Variants in ZNF521 observed in about 807,000 individuals in gnomAD.
The protein encoded by ZNF521 is zinc finger protein 521.
ZNF521 carries 14 observed loss-of-function variants against 105.5 expected under a neutral mutation model. The ratio of observed to expected loss-of-function variants is 0.13; its 90% CI spans 0.09 to 0.21. The LOEUF is 0.21. ZNF521 is among the 10% of genes least tolerant of loss of function. ZNF521 has a pLI of 1.00. For synonymous variants in ZNF521, 635 were observed against 606.0 expected, an observed-to-expected ratio of 1.05 and a Z score of -0.70; for missense variants, 1,233 against 1,629.7, an observed-to-expected ratio of 0.76 and a Z score of 4.19.
chr18:25,117,024 TATATAC>T (rs372551443), intron 5 of ZNF521, among the ~76,000 whole-genome samples: 83 of 122,486 alleles, frequency 6.8e-4, no homozygotes, highest in South Asian at 4.5e-3. Flanking sequence ...CACACATATA[TATATAC>T]ATACACACAC....
At chr18:25,076,186 C>T (rs2033356681) in intron 7 of ZNF521, among the ~76,000 whole-genome samples, 1 of 152,158 alleles carries the variant, frequency 6.6e-6, no homozygotes, top group Admixed American at 6.5e-5. Flanking sequence ...CGTTCAAAAA[C>T]CTCGAAAATG....
chr18:25,179,525 T>C (rs915165522), intron 5 of ZNF521, among the ~76,000 whole-genome samples: 1 of 152,120 alleles, frequency 6.6e-6, no homozygotes, highest in Admixed American at 6.5e-5. Context: ...AGGAAAACCA[T>C]GCTTCTTATA....
At chr18:25,301,360 T>C (rs1204364538) in intron 3 of ZNF521, among the ~76,000 whole-genome samples, 1 of 152,228 alleles carries the variant, frequency 6.6e-6, no homozygotes, top group East Asian at 1.9e-4. Flanking sequence ...TTGCAGAGAC[T>C]TGATCACAGT....
intron 5 of ZNF521, among the ~76,000 whole-genome samples, chr18:25,102,111 C>T (rs1400126490): frequency 6.6e-6 from 1 of 152,058 alleles, no homozygotes; most frequent in East Asian, 1.9e-4. Flanking sequence ...TAGACGATGG[C>T]CTAAAACTAC....
chr18:25,160,401 C>T (rs78443760), intron 5 of ZNF521, among the ~76,000 whole-genome samples: 2 of 152,242 alleles, frequency 1.3e-5, no homozygotes, highest in East Asian at 1.9e-4. Context: ...TTCCACACTA[C>T]GTGATTAATT....
In ZNF521 at chr18:25,226,254, G is replaced by T. The variant is rs1010902878; in HGVS notation, c.1664C>A (p.Pro555Gln). Reference sequence around the variant, plus strand: ...GGAACAAGAATAGACTTCTACTACTGGTTCTTTGGGAGTCCCAAGCACTGG... The same window carrying T: ...GGAACAAGAATAGACTTCTACTACTTGTTCTTTGGGAGTCCCAAGCACTGG... ...GSPVLGTPKE[P>Q]VVEVYSCSYC... Residue 555 changes from proline (P) to glutamine (Q), a missense_variant, in exon 4 of 8, where the codon CCA becomes CAA. Coordinates refer to ENST00000361524, the MANE Select transcript of ZNF521 (RefSeq NM_015461.3). The surrounding 1 kb of genome is among the most constrained non-coding windows in gnomAD (Gnocchi z 4.1). The T allele has an allele frequency of 5.6e-6, 9 of 1,614,024 alleles. No individual in the cohort carries two copies. In the Admixed American group the frequency reaches 1.5e-4, roughly 27 times the overall value.
chr18:25,189,350 C>A (rs994480689), intron 5 of ZNF521, among the ~76,000 whole-genome samples: 1 of 152,134 alleles, frequency 6.6e-6, no homozygotes, highest in Non-Finnish European at 1.5e-5. Context: ...GATAATTAAA[C>A]CCTCTTCATA....
chr18:25,282,405 T>C (rs1314858418), intron 3 of ZNF521, among the ~76,000 whole-genome samples: 2 of 152,110 alleles, frequency 1.3e-5, no homozygotes, highest in African/African-American at 2.4e-5. Flanking sequence ...GGGAGCAAAG[T>C]GCAGGCTAGT....
At position 25,297,955 on chromosome 18, in the gene ZNF521, G is replaced by C. The variant is rs188685513; in HGVS notation, c.220+24053C>G. ...ATAGATTAGTACATTCACTAATTGA[G>C]ACTCATTTACTCATTCATCAAACAT... On this transcript the variant is annotated intron_variant, in intron 3 of 7. Transcript: ENST00000361524. 2.6e-5 allele frequency among the ~76,000 whole-genome samples: 4 copies of C among 152,164 alleles called. No individual in the cohort carries two copies. The East Asian group carries it at 5.8e-4, about 22-fold the overall frequency.
chr18:25,157,135 T>G (rs1336864239), intron 5 of ZNF521, among the ~76,000 whole-genome samples: 1 of 152,000 alleles, frequency 6.6e-6, no homozygotes, highest in Admixed American at 6.6e-5. Context: ...GAGGCGGAGT[T>G]TGCAGTGAGC....
intron 5 of ZNF521, among the ~76,000 whole-genome samples, chr18:25,130,003 T>C (rs558161681): frequency 1.3e-5 from 2 of 152,280 alleles, no homozygotes; most frequent in South Asian, 2.1e-4. Context: ...CCCAAATGAT[T>C]TGAAAATGTA....
At chr18:25,288,059 C>G in intron 3 of ZNF521, among the ~76,000 whole-genome samples, 1 of 151,946 alleles carries the variant, frequency 6.6e-6, no homozygotes, top group East Asian at 1.9e-4. Flanking sequence ...GTTTCAGCAA[C>G]AAGAGTTGTA....
At chr18:25,214,454 T>C (rs1445676086) in intron 4 of ZNF521, among the ~76,000 whole-genome samples, 1 of 152,128 alleles carries the variant, frequency 6.6e-6, no homozygotes, top group Non-Finnish European at 1.5e-5. Flanking sequence ...TGTTCATTGT[T>C]TCTTTGTTTT....
rs1311424430 is a variant in ZNF521 at position 25,227,525 on chromosome 18, G to A, written c.393C>T (p.Ser131=). 6.2e-7 allele frequency: 1 copy of A among 1,614,158 alleles called. No individual in the cohort carries two copies. Among genetic ancestry groups the A allele is most frequent in the South Asian group, 1.1e-5 (1 of 91,080 alleles). The change falls in exon 4 of 8, where the codon AGC becomes AGT. Residue 131 remains serine, a synonymous_variant. Transcript: ENST00000361524. This position sits in a 1 kb window ranked among gnomAD's most constrained non-coding sequence, Gnocchi z 5.7. The part of the protein sequence containing the change: ...QFCDKSFSRL[S]YLKHHEQSHS... ...GACTCTGCTCATGGTGCTTTAGGTA[G>A]CTGAGGCGGCTAAACGACTTGTCAC...
intron 4 of ZNF521, among the ~76,000 whole-genome samples, chr18:25,217,411 A>G (rs1365382360): frequency 6.6e-6 from 1 of 152,204 alleles, no homozygotes; most frequent in Non-Finnish European, 1.5e-5. Flanking sequence ...GAGAGAAAAG[A>G]GGAATGAGGA....
At chr18:25,192,557 T>C (rs1293214935) in intron 5 of ZNF521, among the ~76,000 whole-genome samples, 2 of 152,124 alleles carry the variant, frequency 1.3e-5, no homozygotes, top group East Asian at 3.9e-4. Context: ...TTCCTCTACA[T>C]TGATTGAAAT....
At chr18:25,084,716 A>T (rs1229930131) in intron 7 of ZNF521, among the ~76,000 whole-genome samples, 2 of 152,192 alleles carry the variant, frequency 1.3e-5, no homozygotes, top group Non-Finnish European at 2.9e-5. Flanking sequence ...CTCAATCTTC[A>T]TTAAATTTAT....
chr18:25,199,067 A>G (rs1235484961), intron 4 of ZNF521, among the ~76,000 whole-genome samples: 2 of 152,004 alleles, frequency 1.3e-5, no homozygotes, highest in Non-Finnish European at 2.9e-5. Context: ...TATCTTATCT[A>G]AAATGTGTAC....
intron 2 of ZNF521, among the ~76,000 whole-genome samples, chr18:25,341,633 G>T (rs180917672): frequency 7.4e-4 from 112 of 152,228 alleles, no homozygotes; most frequent in African/African-American, 2.5e-3. Context: ...AACAAAGCTA[G>T]CAATTCTTAA....
Sources: allele counts gnomAD v4.1 joint callset (sites outside exome capture counted in the v4.1 genomes callset), GRCh38; gene constraint gnomAD v4.1.1; non-coding constraint Gnocchi (gnomAD v3.1); transcripts MANE v1.5; gene names NCBI Gene and HGNC (gene_info 2026-07-23, HGNC 2026-07-21).